APBB1IP: variants seen among roughly 807,000 people sequenced by gnomAD.
APBB1IP encodes amyloid beta precursor protein binding family B member 1 interacting protein, also known as amyloid beta A4 precursor protein-binding family B member 1-interacting protein.
APBB1IP carries 27 observed loss-of-function variants against 64.9 expected under a neutral mutation model. The observed-to-expected ratio is 0.42, with a 90% CI of 0.31 to 0.57. APBB1IP has a LOEUF of 0.57. Among genes scored for constraint, APBB1IP ranks in the 20% least tolerant of loss-of-function variants. The probability of loss-of-function intolerance (pLI) is 0.20; values close to 1 mark genes in which losing one functional copy is unlikely to be tolerated. For missense variants in APBB1IP, 812 were observed against 845.5 expected (o/e 0.96, Z 0.49); for synonymous variants, 392 against 331.0 (o/e 1.18, Z -2.00).
intron 2 of APBB1IP, among the ~76,000 whole-genome samples, chr10:26,478,360 G>A (rs980438132): frequency 6.6e-6 from 1 of 152,196 alleles, no homozygotes; most frequent in Non-Finnish European, 1.5e-5. Flanking sequence ...GATGGAGGCG[G>A]TTGAGAAGGT....
intron 8 of APBB1IP, among the ~76,000 whole-genome samples, chr10:26,515,711 G>A (rs1358087148): frequency 6.6e-6 from 1 of 152,168 alleles, no homozygotes; most frequent in Non-Finnish European, 1.5e-5. Context: ...ATTAGCCATG[G>A]TGGGAGAGCC....
At chr10:26,476,651 T>C (rs1376685029) in intron 2 of APBB1IP, among the ~76,000 whole-genome samples, 1 of 152,138 alleles carries the variant, frequency 6.6e-6, no homozygotes, top group African/African-American at 2.4e-5. Flanking sequence ...CTGTCTTTGT[T>C]ACACAATGCA....
intron 13 of APBB1IP, among the ~76,000 whole-genome samples, chr10:26,561,064 C>CTTTTTTTTTTTTTTTT (rs764573338): frequency 5.8e-5 from 4 of 69,208 alleles, no homozygotes; most frequent in Admixed American, 2.3e-4. Flanking sequence ...TTCTTTCTTT[C>CTTTTTTTTTTTTTTTT]TTTTTTTTTT....
intron 11 of APBB1IP, among the ~76,000 whole-genome samples, chr10:26,545,493 G>A (rs953246206): frequency 6.6e-6 from 1 of 152,176 alleles, no homozygotes; most frequent in East Asian, 1.9e-4. Context: ...GGGCGCGGTG[G>A]CTCACGCCTG....
chr10:26,512,205 T>G (rs990601501), intron 7 of APBB1IP, among the ~76,000 whole-genome samples: 1 of 152,212 alleles, frequency 6.6e-6, no homozygotes, highest in Non-Finnish European at 1.5e-5. Context: ...ACTCTTCATT[T>G]CATTGTAGTG....
intron 6 of APBB1IP, among the ~76,000 whole-genome samples, chr10:26,510,734 T>A (rs113485156): frequency 0.046 from 6,277 of 136,008 alleles, 431 homozygotes; most frequent in African/African-American, 0.15. Context: ...AGACCCTGTC[T>A]CACACACACA....
intron 2 of APBB1IP, among the ~76,000 whole-genome samples, chr10:26,455,630 TC>T (rs1243548676): frequency 6.6e-6 from 1 of 152,178 alleles, no homozygotes; most frequent in Non-Finnish European, 1.5e-5. Context: ...TACATACACT[TC>T]CCGAAGTTGA....
At chr10:26,546,276 A>T (rs10741113) in intron 11 of APBB1IP, among the ~76,000 whole-genome samples, 1 of 151,954 alleles carries the variant, frequency 6.6e-6, no homozygotes, top group African/African-American at 2.4e-5. Flanking sequence ...AAATAAATCT[A>T]TTTATTAACC....
chr10:26,554,312 T>C (rs1836867745), intron 11 of APBB1IP, among the ~76,000 whole-genome samples: 1 of 152,206 alleles, frequency 6.6e-6, no homozygotes, highest in African/African-American at 2.4e-5. Flanking sequence ...AAGGTGATAT[T>C]GGAATCAGAA....
chr10:26,556,418 G>C (rs534082266), intron 11 of APBB1IP, among the ~76,000 whole-genome samples: 2 of 152,278 alleles, frequency 1.3e-5, no homozygotes, highest in East Asian at 3.9e-4. Flanking sequence ...TCTGAGGATT[G>C]CTAGAGACCT....
chr10:26,454,887 C>T (rs1835505189), intron 2 of APBB1IP, among the ~76,000 whole-genome samples: 1 of 152,160 alleles, frequency 6.6e-6, no homozygotes, highest in South Asian at 2.1e-4. Context: ...CATCCATTAG[C>T]ATGGCTATAA....
intron 8 of APBB1IP, among the ~76,000 whole-genome samples, chr10:26,524,592 T>A (rs964200365): frequency 3.3e-5 from 5 of 152,146 alleles, no homozygotes; most frequent in Admixed American, 6.6e-5. Flanking sequence ...TAAATCAATA[T>A]GTGGAAGGTA....
chr10:26,509,694 A>T (rs1836228353), intron 6 of APBB1IP: 1 of 152,232 alleles, frequency 6.6e-6, no homozygotes, highest in Non-Finnish European at 1.5e-5. Context: ...ATAGGACAGA[A>T]CCTGGCTGCT....
chr10:26,558,098 G>A (rs188336714), intron 11 of APBB1IP, among the ~76,000 whole-genome samples: 2 of 150,682 alleles, frequency 1.3e-5, no homozygotes, highest in East Asian at 3.9e-4. Context: ...CTGAGGACAG[G>A]AGGAAGAAGA....
chr10:26,453,305 G>C (rs1835485353), intron 2 of APBB1IP, among the ~76,000 whole-genome samples: 1 of 152,168 alleles, frequency 6.6e-6, no homozygotes, highest in Non-Finnish European at 1.5e-5. Flanking sequence ...TCCTTTCACT[G>C]TAAGGCAAGG....
At position 26,489,591 on chromosome 10, in the gene APBB1IP, C is replaced by T. The variant is rs11015131; in HGVS notation, c.1-2736C>T. 1.8e-4 allele frequency among the ~76,000 whole-genome samples: 27 copies of T among 152,324 alleles called. No individual in the cohort carries two copies. The East Asian group carries it at 5.2e-3, about 29-fold the overall frequency. ...CTGTTCTGATTGCTCAGCGTCAATG[C>T]TACCCTGGGTGCTAAATGTTGCTAA... On this transcript the variant is annotated intron_variant, in intron 2 of 14. Transcript: ENST00000376236.
intron 8 of APBB1IP, among the ~76,000 whole-genome samples, chr10:26,527,123 A>G (rs1454170810): frequency 6.6e-6 from 1 of 152,226 alleles, no homozygotes; most frequent in Non-Finnish European, 1.5e-5. Context: ...AAAGTTATAC[A>G]GTAATCACCT....
At chr10:26,487,220 C>G (rs530743277) in intron 2 of APBB1IP, among the ~76,000 whole-genome samples, 185 of 148,700 alleles carry the variant, frequency 1.2e-3, no homozygotes, top group Middle Eastern at 6.9e-3. Flanking sequence ...TCCTCTCTCT[C>G]TCTCTCTCTC....
intron 8 of APBB1IP, among the ~76,000 whole-genome samples, chr10:26,524,769 C>T (rs541027619): frequency 6.6e-6 from 1 of 152,052 alleles, no homozygotes; most frequent in South Asian, 2.1e-4. Context: ...GGTCTGCTGT[C>T]TCTTATGTGA....
Sources: allele counts gnomAD v4.1 joint callset (sites outside exome capture counted in the v4.1 genomes callset), GRCh38; gene constraint gnomAD v4.1.1; transcripts MANE v1.5; gene names NCBI Gene and HGNC (gene_info 2026-07-23, HGNC 2026-07-21).